The following HECTD4 variants were observed in gnomAD, a reference collection of about 807,000 sequenced individuals.
HECTD4 encodes the protein probable E3 ubiquitin-protein ligase HECTD4.
Under a neutral mutation model 471.5 loss-of-function variants are expected in HECTD4, and 114 were observed. The observed-to-expected ratio is 0.24, with a 90% CI of 0.21 to 0.28. The LOEUF is 0.28. HECTD4 is among the 10% of genes least tolerant of loss of function. The pLI, the probability that HECTD4 is intolerant of heterozygous loss-of-function variation, is 1.00. For synonymous variants in HECTD4, 2,012 were observed against 2,256.0 expected, an observed-to-expected ratio of 0.89 and a Z score of 3.07; for missense variants, 3,866 against 5,651.5, an observed-to-expected ratio of 0.68 and a Z score of 10.13.
intron 72 of HECTD4, among the ~76,000 whole-genome samples, chr12:112,165,026 A>G (rs1354423166): frequency 6.9e-6 from 1 of 145,632 alleles, no homozygotes; most frequent in East Asian, 2.1e-4. Context: ...GGTTCAAGCA[A>G]TTCTCTGCCT....
chr12:112,309,519 A>G (rs758478097), intron 5 of HECTD4, 42 bp downstream of exon 5: 1 of 836,708 alleles, frequency 1.2e-6, no homozygotes, highest in Admixed American at 2.1e-5. Context: ...TAAGGAGGAT[A>G]ATGTTCTAGC....
chr12:112,295,758 T>C (rs934357311), intron 7 of HECTD4, among the ~76,000 whole-genome samples: 2 of 151,388 alleles, frequency 1.3e-5, no homozygotes, highest in Non-Finnish European at 2.9e-5. Flanking sequence ...CCTCCCACCT[T>C]AGCCCTCCAA....
At position 112,281,381 on chromosome 12, in the gene HECTD4, A is replaced by G. The variant is rs563981696; in HGVS notation, c.1528+1729T>C. Among the ~76,000 whole-genome samples, 11 of 152,294 alleles carry G rather than the reference A, an allele frequency of 7.2e-5. No individual in the cohort carries two copies. In the South Asian group the frequency reaches 1.9e-3, roughly 26 times the overall value. ...CGTGCACATTTCTACCAAATTCTAAATATGTCCTTGCCTTCTGAGGTCTTT... is the reference window on the plus strand; with the variant it reads ...CGTGCACATTTCTACCAAATTCTAAGTATGTCCTTGCCTTCTGAGGTCTTT... On this transcript the variant is annotated intron_variant, in intron 8 of 75. Transcript: ENST00000682272.
intron 4 of HECTD4, 32 bp from the exon 5 acceptor site, chr12:112,309,701 A>C: frequency 1.9e-6 from 2 of 1,027,718 alleles, no homozygotes; most frequent in Non-Finnish European, 2.8e-6. Context: ...TAAATTATAT[A>C]TATGTTTTTT....
chr12:112,175,225 C>T (rs1399988300), intron 66 of HECTD4, among the ~76,000 whole-genome samples: 2 of 152,094 alleles, frequency 1.3e-5, no homozygotes, highest in African/African-American at 4.8e-5. Flanking sequence ...GGAGACAGGG[C>T]CTTTAAAGAG....
chr12:112,182,384 TAA>T (rs11290669), intron 62 of HECTD4, among the ~76,000 whole-genome samples: 42 of 130,414 alleles, frequency 3.2e-4, no homozygotes, highest in East Asian at 1.4e-3. Context: ...AAAGAGGAAT[TAA>T]AAAAAAAAAA....
At chr12:112,254,230 G>C (rs980140930) in intron 21 of HECTD4, 68 bp from the exon 22 acceptor site, 2 of 1,569,162 alleles carry the variant, frequency 1.3e-6, no homozygotes, top group Admixed American at 1.8e-5. Context: ...AAATAAAAAG[G>C]CTGCAAAAAC....
intron 1 of HECTD4, among the ~76,000 whole-genome samples, chr12:112,353,610 A>G (rs190711123): frequency 3.9e-5 from 6 of 152,292 alleles, no homozygotes; most frequent in Admixed American, 3.9e-4. Flanking sequence ...AGGGTGGATC[A>G]CAAGGTCAGG....
In HECTD4 at chr12:112,229,710, T is replaced by A; in HGVS notation, c.6507A>T (p.Gly2169=). ...LGGFKETIKI[G]SEVQVLGRGI... ...TGGTGGTTGGTACCTGAACCTCGGA[T>A]CCTATCTTGATTGTCTCTTTGAAGC... is the stretch of plus-strand genomic sequence containing the variant. The change falls in exon 41 of 76, where the codon GGA becomes GGT. Residue 2169 remains glycine, a synonymous_variant. Transcript: ENST00000682272. 6.2e-7 allele frequency: 1 copy of A among 1,612,742 alleles called. No homozygotes were observed. The highest frequency in any genetic ancestry group is 8.5e-7 in the Non-Finnish European group (1 of 1,178,998).
Position 112,162,902 on chromosome 12 carries a change from A to T in HECTD4, c.13120+140T>A. 1 of 701,188 alleles carries T rather than the reference A, an allele frequency of 1.4e-6. No homozygotes were observed. The highest frequency in any genetic ancestry group is 1.9e-5 in the South Asian group (1 of 53,868). The allele number at this position is 701,188 out of a possible 1,614,324, so 43.4% of individuals were successfully genotyped here. On this transcript the variant is annotated intron_variant, in intron 75 of 75. Coordinates refer to ENST00000682272, the MANE Select transcript of HECTD4 (RefSeq NM_001388303.1). This position sits in a 1 kb window ranked among gnomAD's most constrained non-coding sequence, Gnocchi z 5.2. Reference sequence around the variant, plus strand: ...GTATGGCTGGTTCCTGCCGGGCCCTAATCCTCAATGATGTCTGAGTTTTGG... The same window carrying T: ...GTATGGCTGGTTCCTGCCGGGCCCTTATCCTCAATGATGTCTGAGTTTTGG...
Position 112,283,257 on chromosome 12 carries a change from T to G in HECTD4, c.1381A>C (p.Ile461Leu). The change falls in exon 8 of 76, where the codon ATT becomes CTT. Residue 461 changes from isoleucine (I) to leucine (L), a missense_variant. Transcript: ENST00000682272. ...GATTCGCCCTCTTTTCTCATTAGAA[T>G]TGTACGTTCCTGAAGTGGGTTGGCT... ...FVANPLQERT[I>L]LMRKEGESAK... 6.2e-7 allele frequency: 1 copy of G among 1,613,766 alleles called. No individual in the cohort carries two copies. Among genetic ancestry groups the G allele is most frequent in the Non-Finnish European group, 8.5e-7 (1 of 1,179,810 alleles).
Position 112,217,077 on chromosome 12 carries a change from G to A in HECTD4, c.7193C>T (p.Pro2398Leu). ...LADPSAGGGLPRGTFIYATSP... is the reference protein window; with the variant it reads ...LADPSAGGGLLRGTFIYATSP... ...AGTGGCATAGATAAAAGTGCCCCGG[G>A]GCAGGCCTCCCCCAGCGCTGGGGTC... is the stretch of plus-strand genomic sequence containing the variant. Residue 2398 changes from proline (P) to leucine (L), a missense_variant, in exon 46 of 76, where the codon CCC becomes CTC. Around this residue, in one of 16 missense-constraint regions of HECTD4, gnomAD observed 617 missense variants for 915.1 expected, o/e 0.67. Coordinates refer to ENST00000682272, the MANE Select transcript of HECTD4 (RefSeq NM_001388303.1). 1 of 1,586,676 alleles carries A rather than the reference G, an allele frequency of 6.3e-7. No homozygotes were observed. Among genetic ancestry groups the A allele is most frequent in the Non-Finnish European group, 8.6e-7 (1 of 1,166,078 alleles).
intron 1 of HECTD4, among the ~76,000 whole-genome samples, chr12:112,362,862 C>T (rs555055473): frequency 1.3e-5 from 2 of 151,998 alleles, no homozygotes; most frequent in Non-Finnish European, 2.9e-5. Context: ...TCACCATGCC[C>T]GGCTAATTTT....
chr12:112,193,776 T>C lies in HECTD4; in HGVS notation c.8750-102A>G. On this transcript the variant is annotated intron_variant, in intron 56 of 75. Transcript: ENST00000682272. The surrounding 1 kb of genome is among the most constrained non-coding windows in gnomAD (Gnocchi z 5.2). ...GAATAACCCATCCAGAAACCCCAGA[T>C]GGGAGGGTTATCCTGGATATGATGT... 1.0e-6 allele frequency: 1 copy of C among 999,334 alleles called. No individual in the cohort carries two copies. Among genetic ancestry groups the C allele is most frequent in the African/African-American group, 1.6e-5 (1 of 62,436 alleles). The allele number at this position is 999,334 out of a possible 1,614,324, so 61.9% of individuals were successfully genotyped here. A position where few individuals can be genotyped will look rare whatever the true frequency, so the allele number is the denominator to read the frequency against.
At chr12:112,273,500 T>G (rs1231785013) in intron 11 of HECTD4, among the ~76,000 whole-genome samples, 155 bp downstream of exon 11, 1 of 152,214 alleles carries the variant, frequency 6.6e-6, no homozygotes, top group Non-Finnish European at 1.5e-5. Context: ...CTTTCATGGT[T>G]ACAGATAACA....
chr12:112,273,041 AG>A (rs1404464626), intron 11 of HECTD4, among the ~76,000 whole-genome samples: 1 of 152,152 alleles, frequency 6.6e-6, no homozygotes, highest in Non-Finnish European at 1.5e-5. Flanking sequence ...CCAAAGTTCA[AG>A]GTTTTTTAAA....
chr12:112,293,593 A>C (rs1207045615), intron 7 of HECTD4, among the ~76,000 whole-genome samples: 1 of 152,152 alleles, frequency 6.6e-6, no homozygotes, highest in African/African-American at 2.4e-5. Flanking sequence ...ATTTTACTTC[A>C]ATAATAGAGC....
chr12:112,254,893 G>C (rs944407466), intron 21 of HECTD4, among the ~76,000 whole-genome samples: 5 of 152,096 alleles, frequency 3.3e-5, no homozygotes, highest in Non-Finnish European at 5.9e-5. Context: ...ATAAAGCTCT[G>C]GCTTCTGTAA....
chr12:112,185,019 T>C lies in HECTD4; in HGVS notation c.9947A>G (p.Lys3316Arg), dbSNP rs533633903. ...CGAGGAGGCCTTTTCCCGCTTCATC[T>C]TGACTTTTTTCCTCTTGGAGAGGAG... ...PSLLSKRKKV[K>R]MKREKASSSG... Residue 3316 changes from lysine to arginine, a missense_variant, in exon 61 of 76, where the codon AAG becomes AGG. Lys to Arg is a conservative substitution (Grantham distance 26). This residue lies in a region of HECTD4 where 57 missense variants were observed against 49.8 expected (regional missense o/e 1.14). Coordinates refer to ENST00000682272, the MANE Select transcript of HECTD4 (RefSeq NM_001388303.1). 1.4e-4 allele frequency: 222 copies of C among 1,604,366 alleles called. 4 individuals carry two copies. The South Asian group carries it at 2.3e-3, about 16-fold the overall frequency.
Sources: gnomAD v4.1 joint callset for allele counts (sites outside exome capture counted in the v4.1 genomes callset) on GRCh38, gnomAD v4.1.1 for gene constraint, gnomAD v4.1.1 regional missense constraint, Gnocchi (gnomAD v3.1) non-coding constraint, MANE v1.5 for transcripts, NCBI Gene and HGNC (gene_info 2026-07-23, HGNC 2026-07-21) for gene names.